Variants in CLDN14 observed in about 807,000 individuals in gnomAD.
The protein encoded by CLDN14 is claudin-14.
In CLDN14, 2 loss-of-function variants were observed where a neutral mutation model predicts 2.1. That is an observed-to-expected ratio of 0.96 (90% CI 0.39 to 3.01). The LOEUF (loss-of-function observed/expected upper bound fraction) is 3.01. Among genes scored for constraint, CLDN14 ranks in the 30% most tolerant of loss-of-function variants. The probability of loss-of-function intolerance (pLI) is 0.09; values close to 1 mark genes in which losing one functional copy is unlikely to be tolerated. For missense variants in CLDN14, 298 were observed against 328.0 expected, an observed-to-expected ratio of 0.91 and a Z score of 0.71; for synonymous variants, 136 against 154.4, an observed-to-expected ratio of 0.88 and a Z score of 0.88.
At chr21:36,491,206 A>G (rs972366557) in intron 2 of CLDN14, among the ~76,000 whole-genome samples, 1 of 152,214 alleles carries the variant, frequency 6.6e-6, no homozygotes, top group Non-Finnish European at 1.5e-5. Flanking sequence ...GCTCTGGTGC[A>G]GGAACTAGGA....
Position 36,546,402 on chromosome 21 carries a change from T to A in CLDN14, c.-220+30009A>T, listed in dbSNP as rs187374151. Among the ~76,000 whole-genome samples, 96 of 152,212 alleles carry A rather than the reference T, an allele frequency of 6.3e-4. 2 individuals are homozygous for A. Among genetic ancestry groups the A allele is most frequent in the African/African-American group, 1.9e-3 (80 of 41,484 alleles). ...AAACAGCTGTGCTTGTTCTGAGCAA[T>A]GGGCTTATTTTTTATCACTAGACAC... On this transcript the variant is annotated intron_variant, in intron 1 of 2. Transcript: ENST00000342108.
intron 2 of CLDN14, among the ~76,000 whole-genome samples, chr21:36,509,848 C>A (rs1297386933): frequency 2.6e-5 from 4 of 152,166 alleles, no homozygotes; most frequent in Non-Finnish European, 5.9e-5. Flanking sequence ...CCCACCTCAG[C>A]CTCCCAAAGT....
intron 1 of CLDN14, among the ~76,000 whole-genome samples, chr21:36,554,735 G>A (rs1030899420): frequency 1.4e-4 from 22 of 152,202 alleles, no homozygotes; most frequent in South Asian, 2.1e-4. Flanking sequence ...CCCACCACCC[G>A]TTGATAGTTA....
At chr21:36,469,255 TG>T (rs1180262410) in intron 1 of CLDN14, among the ~76,000 whole-genome samples, 1 of 152,230 alleles carries the variant, frequency 6.6e-6, no homozygotes, top group East Asian at 1.9e-4. Flanking sequence ...TCATTTCACA[TG>T]GGCTATACTG....
chr21:36,550,531 A>G (rs452072), intron 1 of CLDN14, among the ~76,000 whole-genome samples: 112,920 of 152,086 alleles, frequency 0.74, 43,402 homozygotes, highest in Non-Finnish European at 0.86. Context: ...AATCCTGCTC[A>G]TCGCCAGGGT....
At position 36,499,161 on chromosome 21, in the gene CLDN14, C is replaced by T. The variant is rs1330299345; in HGVS notation, c.-82+11202G>A. Among the ~76,000 whole-genome samples, 4 of 152,158 alleles carry T rather than the reference C, an allele frequency of 2.6e-5. No individual in the cohort carries two copies. Among genetic ancestry groups the T allele is most frequent in the Non-Finnish European group, 4.4e-5 (3 of 68,026 alleles). ...CAAGAAATAAGCCCAGAGCACACAT[C>T]GGTTTTGTGGGGGCAATGAACCCCG... On this transcript the variant is annotated intron_variant, in intron 2 of 2. Transcript: ENST00000342108. The surrounding 1 kb of genome is among the most constrained non-coding windows in gnomAD (Gnocchi z 4.7).
intron 2 of CLDN14, among the ~76,000 whole-genome samples, chr21:36,500,736 C>A (rs1323834109): frequency 6.6e-6 from 1 of 152,234 alleles, no homozygotes; most frequent in Non-Finnish European, 1.5e-5. Flanking sequence ...CCGGCTGATA[C>A]ATTCCATTCT....
intron 1 of CLDN14, among the ~76,000 whole-genome samples, chr21:36,558,666 A>ACT (rs2087614323): frequency 6.6e-6 from 1 of 151,782 alleles, no homozygotes. Flanking sequence ...CTTTTCAGAT[A>ACT]GTTTACTGTT....
chr21:36,487,998 G>A (rs1210890212), intron 2 of CLDN14, among the ~76,000 whole-genome samples: 2 of 152,186 alleles, frequency 1.3e-5, no homozygotes, highest in African/African-American at 4.8e-5. Flanking sequence ...ACAGGTGTGT[G>A]CACACTCACC....
chr21:36,567,894 T>C (rs2087684390), intron 1 of CLDN14, among the ~76,000 whole-genome samples: 1 of 152,196 alleles, frequency 6.6e-6, no homozygotes, highest in Non-Finnish European at 1.5e-5. Flanking sequence ...TTAGTACCAT[T>C]TATTTAGTAC....
At chr21:36,497,878 G>A (rs1183459372) in intron 2 of CLDN14, among the ~76,000 whole-genome samples, 4 of 152,150 alleles carry the variant, frequency 2.6e-5, no homozygotes, top group African/African-American at 4.8e-5. Context: ...ACTGCCCCGT[G>A]AGGCTGTGGT....
intron 1 of CLDN14, among the ~76,000 whole-genome samples, chr21:36,477,139 C>T (rs1413862509): frequency 2.0e-5 from 3 of 152,204 alleles, no homozygotes; most frequent in East Asian, 1.9e-4. Context: ...GTCAAGATGG[C>T]GTCTGCAGAA....
At chr21:36,542,046 T>G (rs1405610211) in intron 1 of CLDN14, among the ~76,000 whole-genome samples, 1 of 152,100 alleles carries the variant, frequency 6.6e-6, no homozygotes, top group East Asian at 1.9e-4. Context: ...CATCCTTTGC[T>G]TCCCAGGTTC....
intron 2 of CLDN14, among the ~76,000 whole-genome samples, chr21:36,509,488 C>G (rs1040933957): frequency 6.6e-6 from 1 of 152,232 alleles, no homozygotes; most frequent in Non-Finnish European, 1.5e-5. Flanking sequence ...GGAGAAGATA[C>G]ATATGGTTGG....
At chr21:36,473,013 A>G (rs1429444011) in intron 1 of CLDN14, among the ~76,000 whole-genome samples, 1 of 152,198 alleles carries the variant, frequency 6.6e-6, no homozygotes, top group Non-Finnish European at 1.5e-5. Flanking sequence ...ACTGTGTTTG[A>G]CCTTTATTTC....
At chr21:36,519,574 G>A (rs900265211) in intron 1 of CLDN14, among the ~76,000 whole-genome samples, 2 of 152,172 alleles carry the variant, frequency 1.3e-5, no homozygotes, top group African/African-American at 4.8e-5. Context: ...GCCCGGTGTG[G>A]TGGCACATGC....
chr21:36,544,412 C>T lies in CLDN14; in HGVS notation c.-220+31999G>A, dbSNP rs2087512976. ...TTGTGGGTGTCTTACATTTGCTCAT[C>T]CTCCAAGACTAGAACAAAGTTCTCC... On this transcript the variant is annotated intron_variant, in intron 1 of 2. Coordinates refer to the CLDN14 transcript ENST00000342108. The surrounding 1 kb of genome is among the most constrained non-coding windows in gnomAD (Gnocchi z 4.1). Among the ~76,000 whole-genome samples the T allele has an allele frequency of 6.6e-6, 1 of 152,220 alleles. No individual in the cohort carries two copies. Among genetic ancestry groups the T allele is most frequent in the South Asian group, 2.1e-4 (1 of 4,838 alleles).
intron 1 of CLDN14, among the ~76,000 whole-genome samples, chr21:36,565,011 C>A (rs889929672): frequency 6.6e-6 from 1 of 152,226 alleles, no homozygotes; most frequent in Non-Finnish European, 1.5e-5. Flanking sequence ...CAGTGAGCCT[C>A]ATTTCTGACC....
At chr21:36,502,245 A>C (rs7278181) in intron 2 of CLDN14, among the ~76,000 whole-genome samples, 4,159 of 152,354 alleles carry the variant, frequency 0.027, 201 homozygotes, top group African/African-American at 0.094. Flanking sequence ...AACTTGTCCA[A>C]CATTACAAAG....
Sources: allele counts gnomAD v4.1 joint callset (sites outside exome capture counted in the v4.1 genomes callset), GRCh38; gene constraint gnomAD v4.1.1; non-coding constraint Gnocchi (gnomAD v3.1); transcripts MANE v1.5; gene names NCBI Gene and HGNC (gene_info 2026-07-23, HGNC 2026-07-21).